The following TANC2 variants were observed in gnomAD, a reference collection of about 807,000 sequenced individuals.
TANC2 encodes the protein tetratricopeptide repeat, ankyrin repeat and coiled-coil containing 2, also known as protein TANC2.
A neutral mutation model predicts 210.5 loss-of-function variants in TANC2; 26 were observed. That is an observed-to-expected ratio of 0.12 (90% confidence interval 0.09 to 0.17). TANC2 has a LOEUF of 0.17. Among genes scored for constraint, TANC2 ranks in the 10% least tolerant of loss-of-function variants. The probability of loss-of-function intolerance (pLI) is 1.00; values close to 1 mark genes in which losing one functional copy is unlikely to be tolerated. For missense variants in TANC2, 2,129 were observed against 2,608.9 expected, an observed-to-expected ratio of 0.82 and a Z score of 4.01; for synonymous variants, 931 against 967.1, an observed-to-expected ratio of 0.96 and a Z score of 0.69.
At chr17:63,304,172 C>G (rs1318292852) in intron 9 of TANC2, among the ~76,000 whole-genome samples, 1 of 152,066 alleles carries the variant, frequency 6.6e-6, no homozygotes, top group African/African-American at 2.4e-5. Context: ...GCACTCTGGC[C>G]TTTTGAGTTT....
chr17:63,123,260 T>C lies in TANC2; in HGVS notation c.322+23903T>C, dbSNP rs534024864. 3.4e-3 allele frequency among the ~76,000 whole-genome samples: 524 copies of C among 152,020 alleles called. 3 individuals are homozygous for C. Among genetic ancestry groups the C allele is most frequent in the African/African-American group, 0.012 (485 of 41,462 alleles). On this transcript the variant is annotated intron_variant, in intron 4 of 27. Transcript: ENST00000689528. ...TTGAGTTCAGGGTGGTAGGACGATA[T>C]AAGAGGGGAAATGTGGGCCAGGCGC...
At chr17:63,267,983 A>G (rs947053023) in intron 9 of TANC2, 110 bp downstream of exon 9, 2 of 1,245,580 alleles carry the variant, frequency 1.6e-6, no homozygotes, top group Admixed American at 2.8e-5. Context: ...CTCCCTAAGA[A>G]GTGAAATGAT....
intron 8 of TANC2, among the ~76,000 whole-genome samples, chr17:63,250,701 G>A (rs2043033910): frequency 6.6e-6 from 1 of 152,110 alleles, no homozygotes; most frequent in South Asian, 2.1e-4. Flanking sequence ...TATATGCCAG[G>A]CACTGTTCAA....
chr17:63,214,829 T>G (rs568807182), intron 7 of TANC2, among the ~76,000 whole-genome samples: 35 of 152,330 alleles, frequency 2.3e-4, no homozygotes, highest in African/African-American at 8.4e-4. Context: ...TTGTACCACA[T>G]TGATCCAGTA....
chr17:63,305,389 A>T (rs1598815936), intron 9 of TANC2: 1 of 152,166 alleles, frequency 6.6e-6, no homozygotes, highest in African/African-American at 2.4e-5. Context: ...TGCGGGTCAC[A>T]CCAGCCACAT....
chr17:63,027,654 AT>A (rs2034608766), intron 2 of TANC2, among the ~76,000 whole-genome samples: 1 of 152,026 alleles, frequency 6.6e-6, no homozygotes, highest in South Asian at 2.1e-4. Context: ...ATATATGGGA[AT>A]TTTAATACAA....
intron 7 of TANC2, among the ~76,000 whole-genome samples, chr17:63,211,285 T>C (rs1193508980): frequency 1.3e-5 from 2 of 152,224 alleles, no homozygotes; most frequent in Non-Finnish European, 2.9e-5. Flanking sequence ...TAAATGAATT[T>C]ACATTTTGTA....
At chr17:63,309,427 G>T (rs1292286867) in intron 9 of TANC2, among the ~76,000 whole-genome samples, 2 of 151,914 alleles carry the variant, frequency 1.3e-5, no homozygotes, top group Non-Finnish European at 2.9e-5. Context: ...GCTTTAATTT[G>T]TATTTATTTG....
intron 5 of TANC2, among the ~76,000 whole-genome samples, chr17:63,179,973 TAAA>T (rs34426210): frequency 9.3e-4 from 115 of 123,220 alleles, no homozygotes; most frequent in African/African-American, 1.2e-3. Context: ...TACATCTCTT[TAAA>T]AAAAAAAAAA....
chr17:63,167,884 CAAAAAAAAAA>C (rs760465295), intron 5 of TANC2, among the ~76,000 whole-genome samples: 2 of 63,992 alleles, frequency 3.1e-5, no homozygotes, highest in African/African-American at 6.2e-5. Context: ...GACTCTGTCT[CAAAAAAAAAA>C]AAAAAAAAAA....
Position 63,413,538 on chromosome 17 carries a change from T to C in TANC2, c.3929-5T>C, listed in dbSNP as rs772321134. ...TTTACCCATCATGCATCCTGTACACTACAGGTCCAGCCACATGGGCGATGG... is the reference window on the plus strand; with the variant it reads ...TTTACCCATCATGCATCCTGTACACCACAGGTCCAGCCACATGGGCGATGG... On this transcript the variant is annotated splice_region_variant and splice_polypyrimidine_tract_variant and intron_variant, in intron 24 of 27. Coordinates refer to ENST00000689528, the Ensembl canonical transcript of TANC2. 61 of 1,587,546 alleles carry C rather than the reference T, an allele frequency of 3.8e-5. No individual in the cohort carries two copies. Among genetic ancestry groups the C allele is most frequent in the Non-Finnish European group, 4.3e-5 (50 of 1,167,074 alleles).
intron 5 of TANC2, among the ~76,000 whole-genome samples, chr17:63,177,488 A>C (rs1286449421): frequency 1.3e-5 from 2 of 152,076 alleles, no homozygotes; most frequent in East Asian, 3.9e-4. Flanking sequence ...AAAAGCCACT[A>C]GAATTTTATC....
At chr17:63,373,086 G>A (rs2047320399) in intron 14 of TANC2, among the ~76,000 whole-genome samples, 1 of 151,548 alleles carries the variant, frequency 6.6e-6, no homozygotes, top group Admixed American at 6.6e-5. Context: ...TGTGGAGATG[G>A]GGTCTCGCTA....
chr17:63,312,521 T>A (rs888265483), intron 9 of TANC2, among the ~76,000 whole-genome samples: 1 of 151,948 alleles, frequency 6.6e-6, no homozygotes, highest in Non-Finnish European at 1.5e-5. Flanking sequence ...AAACAATGAG[T>A]ACTCATGGCT....
At chr17:62,973,030 A>ATTTT (rs113343539) in intron 1 of TANC2, among the ~76,000 whole-genome samples, 2 of 132,756 alleles carry the variant, frequency 1.5e-5, no homozygotes, top group Admixed American at 7.6e-5. Context: ...TAGTTGCCGC[A>ATTTT]TTTTTTTTTT....
chr17:63,052,923 G>T (rs1264467643), intron 2 of TANC2, among the ~76,000 whole-genome samples: 1 of 152,086 alleles, frequency 6.6e-6, no homozygotes, highest in Non-Finnish European at 1.5e-5. Flanking sequence ...TTAGTTATTT[G>T]CAGTCATTTA....
rs181732124 is a variant in TANC2 at position 63,315,993 on chromosome 17, C to T, written c.1441+1324C>T. Among the ~76,000 whole-genome samples, 14 of 152,306 alleles carry T rather than the reference C, an allele frequency of 9.2e-5. No individual in the cohort carries two copies. In the East Asian group the frequency reaches 2.1e-3, roughly 23 times the overall value. On this transcript the variant is annotated intron_variant, in intron 10 of 27. Transcript: ENST00000689528. Reference sequence around the variant, plus strand: ...TAGATTGCCATAGTACTGTGGGAGTCAGGAGCCCAGGGTTTGTGCCCCAAC... The same window carrying T: ...TAGATTGCCATAGTACTGTGGGAGTTAGGAGCCCAGGGTTTGTGCCCCAAC...
chr17:63,024,677 G>A (rs2034480770), intron 2 of TANC2, among the ~76,000 whole-genome samples: 1 of 152,192 alleles, frequency 6.6e-6, no homozygotes, highest in African/African-American at 2.4e-5. Flanking sequence ...TTTCACAGAG[G>A]AAAAGGACTT....
intron 19 of TANC2, among the ~76,000 whole-genome samples, chr17:63,401,689 A>G (rs962102314): frequency 6.6e-6 from 1 of 152,164 alleles, no homozygotes; most frequent in Non-Finnish European, 1.5e-5. Flanking sequence ...GAGTTTTCAC[A>G]GACTTCTTAG....
Sources: allele counts gnomAD v4.1 joint callset (sites outside exome capture counted in the v4.1 genomes callset), GRCh38; gene constraint gnomAD v4.1.1; transcripts MANE v1.5; gene names NCBI Gene and HGNC (gene_info 2026-07-23, HGNC 2026-07-21).